Variants in FAM78A observed in about 807,000 individuals in gnomAD.
FAM78A encodes the protein protein FAM78A.
FAM78A carries 12 observed loss-of-function variants against 22.6 expected under a neutral mutation model. The observed-to-expected ratio is 0.53, with a 90% CI of 0.34 to 0.86. FAM78A has a LOEUF of 0.86. Among genes scored for constraint, FAM78A ranks in the 40% least tolerant of loss-of-function variants. FAM78A has a pLI of 0.02. For synonymous variants in FAM78A, 151 were observed against 155.8 expected, an observed-to-expected ratio of 0.97 and a Z score of 0.23; for missense variants, 322 against 396.1, an observed-to-expected ratio of 0.81 and a Z score of 1.59.
At chr9:131,273,572 T>C (rs1237077576) in intron 1 of FAM78A, among the ~76,000 whole-genome samples, 1 of 152,222 alleles carries the variant, frequency 6.6e-6, no homozygotes, top group Non-Finnish European at 1.5e-5. Flanking sequence ...TACACTGCTT[T>C]AAAAAGTTTT....
chr9:131,264,501 T>C (rs1835317205), intron 1 of FAM78A: 1 of 698,256 alleles, frequency 1.4e-6, no homozygotes, highest in Non-Finnish European at 2.7e-6. Context: ...CGCTGAGCTC[T>C]ACCAGCTCTT....
chr9:131,270,564 C>G (rs1310930024), intron 1 of FAM78A: 1 of 713,034 alleles, frequency 1.4e-6, no homozygotes, highest in African/African-American at 1.7e-5. Context: ...CTGGGTCATC[C>G]CCCCTACTTC....
upstream of FAM78A, among the ~76,000 whole-genome samples, chr9:131,279,577 G>C (rs541065930): frequency 6.6e-6 from 1 of 152,166 alleles, no homozygotes; most frequent in East Asian, 1.9e-4. Context: ...AGAGCTGCAC[G>C]TCCCTCTCGT....
intron 1 of FAM78A, among the ~76,000 whole-genome samples, chr9:131,273,039 G>A (rs540532224): frequency 1.3e-5 from 2 of 152,294 alleles, no homozygotes; most frequent in East Asian, 3.9e-4. Context: ...GCCGCATCCT[G>A]GCCTTCTCCA....
At chr9:131,279,410 C>G (rs1490702260), upstream of FAM78A, among the ~76,000 whole-genome samples, 1 of 152,246 alleles carries the variant, frequency 6.6e-6, no homozygotes, top group Non-Finnish European at 1.5e-5. Context: ...AATTACTGCA[C>G]TACCCAGTTT....
At chr9:131,271,142 G>C (rs1246882468) in intron 1 of FAM78A, among the ~76,000 whole-genome samples, 4 of 151,906 alleles carry the variant, frequency 2.6e-5, no homozygotes, top group Admixed American at 6.6e-5. Flanking sequence ...CAAGTAACTG[G>C]GACTACAGGC....
rs1369714727 is a variant in FAM78A, at chr9:131,274,155, G to T, written c.323+1702C>A. On this transcript the variant is annotated intron_variant, in intron 1 of 1. Transcript: ENST00000372271. This position sits in a 1 kb window ranked among gnomAD's most constrained non-coding sequence, Gnocchi z 4.2. ...ACAGATGGGGAAGCTGAGGCTTGGA[G>T]TCTGTACCTTGGGTCAGGCCTGTGG... is the stretch of plus-strand genomic sequence containing the variant. Among the ~76,000 whole-genome samples, 1 of 152,256 alleles carries T rather than the reference G, an allele frequency of 6.6e-6. No individual in the cohort carries two copies. Among genetic ancestry groups the T allele is most frequent in the African/African-American group, 2.4e-5 (1 of 41,472 alleles).
Position 131,275,719 on chromosome 9 carries a change from T to C in FAM78A, c.323+138A>G, listed in dbSNP as rs552225623. 7 of 940,160 alleles carry C rather than the reference T, an allele frequency of 7.4e-6. No homozygotes were observed. The highest frequency in any genetic ancestry group is 9.2e-6 in the Non-Finnish European group (6 of 649,012). The allele number at this position is 940,160 out of a possible 1,614,324, so 58.2% of individuals were successfully genotyped here. A position where few individuals can be genotyped will look rare whatever the true frequency, so the allele number is the denominator to read the frequency against. On this transcript the variant is annotated intron_variant, in intron 1 of 1. Coordinates refer to ENST00000372271, the MANE Select transcript of FAM78A (RefSeq NM_033387.4). The surrounding 1 kb of genome is among the most constrained non-coding windows in gnomAD (Gnocchi z 4.6). ...CACCGGGCCAATGAGGCCACCTGCA[T>C]ACCTGCCTAAAGCTTCCCTCTGGCC...
In FAM78A at chr9:131,261,118, C is replaced by G. The variant is rs1400273970; in HGVS notation, c.556G>C (p.Asp186His). ...ACCAGCCAGGTGGTGAAGCTCTGGT[C>G]CCGGTAGATATTGGTGAGCTTGGCC... Reference protein sequence around the residue: ...NVAKLTNIYRDQSFTTWLVAT... With the variant: ...NVAKLTNIYRHQSFTTWLVAT... The change falls in exon 2 of 2, where the codon GAC (aspartate) becomes CAC (histidine). Residue 186 changes from aspartate to histidine, a missense_variant. Coordinates refer to ENST00000372271, the MANE Select transcript of FAM78A (RefSeq NM_033387.4). The surrounding 1 kb of genome is among the most constrained non-coding windows in gnomAD (Gnocchi z 7.1). The G allele has an allele frequency of 6.2e-7, 1 of 1,614,076 alleles. No homozygotes were observed. The highest frequency in any genetic ancestry group is 2.2e-5 in the East Asian group (1 of 44,882).
intron 1 of FAM78A, among the ~76,000 whole-genome samples, chr9:131,267,058 G>A (rs183386432): frequency 8.5e-5 from 13 of 152,176 alleles, no homozygotes; most frequent in African/African-American, 2.7e-4. Context: ...CCCTGGGGCC[G>A]GGGCTGTGGG....
chr9:131,280,659 G>A (rs982463976), upstream of FAM78A, among the ~76,000 whole-genome samples: 8 of 152,166 alleles, frequency 5.3e-5, no homozygotes, highest in African/African-American at 1.7e-4. Context: ...TCAATTCCTG[G>A]CACATTGGCC....
At chr9:131,264,909 G>A (rs1439087853) in intron 1 of FAM78A, among the ~76,000 whole-genome samples, 2 of 152,052 alleles carry the variant, frequency 1.3e-5, no homozygotes, top group Non-Finnish European at 2.9e-5. Context: ...TTTTAGTAGA[G>A]ACGGGGTTTC....
upstream of FAM78A, among the ~76,000 whole-genome samples, chr9:131,281,037 T>C (rs552834861): frequency 2.6e-5 from 4 of 152,242 alleles, no homozygotes; most frequent in Admixed American, 6.5e-5. Context: ...TTCCTTGCAG[T>C]ATAGGGACCT....
At chr9:131,270,138 G>A (rs758501044) in intron 1 of FAM78A, 13 of 618,594 alleles carry the variant, frequency 2.1e-5, no homozygotes, top group African/African-American at 1.1e-4. Flanking sequence ...CCCGGGAGGC[G>A]GATGTTGCAG....
Position 131,258,382 on chromosome 9 carries a change from G to A in FAM78A, c.*2440C>T, listed in dbSNP as rs537850346. ...CAGACCGGGGCTCAGCTGAGCGTCC[G>A]TGGCCGGACCTGCAGCCTCTCCAGG... On this transcript the variant is annotated 3_prime_UTR_variant, in exon 2 of 2. Coordinates refer to ENST00000372271, the MANE Select transcript of FAM78A (RefSeq NM_033387.4). The A allele has an allele frequency of 3.9e-5, 6 of 152,534 alleles. No homozygotes were observed. Among genetic ancestry groups the A allele is most frequent in the East Asian group, 3.9e-4 (2 of 5,156 alleles). 9.4% of individuals were successfully genotyped at this position (152,534 alleles called of 1,614,324 possible).
rs190198542 is a variant in FAM78A at position 131,272,255 on chromosome 9, A to T, written c.323+3602T>A. Reference sequence around the variant, plus strand: ...TCCCTTCCCCGGGCCACTAAAGCACAGGGCCTGGGTTTCATTTTAAGGATG... The same window carrying T: ...TCCCTTCCCCGGGCCACTAAAGCACTGGGCCTGGGTTTCATTTTAAGGATG... On this transcript the variant is annotated intron_variant, in intron 1 of 1. Coordinates refer to ENST00000372271, the MANE Select transcript of FAM78A (RefSeq NM_033387.4). The surrounding 1 kb of genome is among the most constrained non-coding windows in gnomAD (Gnocchi z 4.1). Among the ~76,000 whole-genome samples the T allele has an allele frequency of 3.9e-5, 6 of 152,340 alleles. No homozygotes were observed. In the East Asian group the frequency reaches 1.2e-3, roughly 29 times the overall value.
intron 1 of FAM78A, among the ~76,000 whole-genome samples, chr9:131,268,745 T>G (rs919540140): frequency 1.3e-5 from 2 of 151,814 alleles, no homozygotes; most frequent in African/African-American, 4.8e-5. Context: ...ACAAAAAAAT[T>G]AGCCGGGCAT....
At chr9:131,269,119 AAAG>A (rs1006755433) in intron 1 of FAM78A, among the ~76,000 whole-genome samples, 5 of 151,502 alleles carry the variant, frequency 3.3e-5, no homozygotes, top group East Asian at 1.9e-4. Context: ...AAAAAAAAAA[AAAG>A]AAGTGTATCA....
chr9:131,264,889 A>G (rs1835325325), intron 1 of FAM78A, among the ~76,000 whole-genome samples: 1 of 151,902 alleles, frequency 6.6e-6, no homozygotes, highest in African/African-American at 2.4e-5. Flanking sequence ...ACGCCCAGCT[A>G]ATTTTGTACT....
Sources: gnomAD v4.1 joint callset for allele counts (sites outside exome capture counted in the v4.1 genomes callset) on GRCh38, gnomAD v4.1.1 for gene constraint, Gnocchi (gnomAD v3.1) non-coding constraint, MANE v1.5 for transcripts, NCBI Gene and HGNC (gene_info 2026-07-23, HGNC 2026-07-21) for gene names.